Variants in WDR64 observed in about 807,000 individuals in gnomAD.
WDR64 encodes WD repeat domain 64.
A neutral mutation model predicts 139.3 loss-of-function variants in WDR64; 112 were observed. That is an observed-to-expected ratio of 0.80 (90% CI 0.69 to 0.94). The LOEUF is 0.94. Among genes scored for constraint, WDR64 ranks in the 40% least tolerant of loss-of-function variants. The pLI is 0.00. For missense variants in WDR64, 1,206 were observed against 1,293.1 expected (o/e 0.93, Z 1.03); for synonymous variants, 444 against 437.7 (o/e 1.01, Z -0.18).
chr1:241,751,412 C>T (rs893904560), intron 14 of WDR64, among the ~76,000 whole-genome samples: 1 of 152,000 alleles, frequency 6.6e-6, no homozygotes, highest in Non-Finnish European at 1.5e-5. Flanking sequence ...AAAGATAAAC[C>T]CAACCTCTAT....
intron 7 of WDR64, among the ~76,000 whole-genome samples, chr1:241,685,617 T>G (rs1434846100): frequency 6.6e-6 from 1 of 152,232 alleles, no homozygotes; most frequent in Non-Finnish European, 1.5e-5. Context: ...TTTGTTATTA[T>G]GTAACAAATA....
At chr1:241,768,672 A>G (rs979923104) in intron 16 of WDR64, among the ~76,000 whole-genome samples, 6 of 151,998 alleles carry the variant, frequency 3.9e-5, no homozygotes, top group East Asian at 1.9e-4. Flanking sequence ...CTGAAGAAAC[A>G]GGGGAAATTT....
At chr1:241,721,440 C>A (rs574871106) in intron 9 of WDR64, among the ~76,000 whole-genome samples, 23 of 152,088 alleles carry the variant, frequency 1.5e-4, no homozygotes, top group South Asian at 8.3e-4. Context: ...CTTTATACAG[C>A]CTTTTTGTCT....
chr1:241,774,913 T>C (rs1468394592), intron 20 of WDR64, among the ~76,000 whole-genome samples, 192 bp from the exon 21 acceptor site: 1 of 152,190 alleles, frequency 6.6e-6, no homozygotes, highest in Non-Finnish European at 1.5e-5. Context: ...ACCTTTAGTA[T>C]ATTTAATTTC....
intron 9 of WDR64, among the ~76,000 whole-genome samples, chr1:241,721,086 T>C (rs530691422): frequency 7.2e-4 from 109 of 152,320 alleles, no homozygotes; most frequent in Non-Finnish European, 6.0e-4. Flanking sequence ...GTCAGGTTTG[T>C]TGACAATCAG....
At position 241,742,721 on chromosome 1, in the gene WDR64, G is replaced by A. The variant is rs1669595996; in HGVS notation, c.1470+1057G>A. Among the ~76,000 whole-genome samples, 3 of 152,038 alleles carry A rather than the reference G, an allele frequency of 2.0e-5. No homozygotes were observed. The South Asian group carries it at 6.2e-4, about 32-fold the overall frequency. On this transcript the variant is annotated intron_variant, in intron 12 of 27. Transcript: ENST00000437684. The stretch of plus-strand genomic sequence containing the variant: ...TTCCTTTCTTCATAAACTTGCTTTC[G>A]CTTTACTCTGTGGACTTGCCTTGAA...
At position 241,790,695 on chromosome 1, in the gene WDR64, AG is replaced by A; in HGVS notation, c.2997+1del. ...TTTTTCAAGTCTCTTTCTTCTCCTA[AG>A]GTAGCTTAAAAAAAAAAAAAAAAAA... is the stretch of plus-strand genomic sequence containing the variant. ...FKFFKSLSSPKIRRYPLEGFV... is the reference protein window; with the variant it reads ...FKFFKSLSSPXIRRYPLEGFV... On this transcript the variant is annotated frameshift_variant and splice_region_variant, in exon 25 of 28. Coordinates refer to ENST00000437684, the MANE Select transcript of WDR64 (RefSeq NM_001367482.1). LOFTEE classifies it high-confidence loss of function. 1 of 1,536,112 alleles carries A rather than the reference AG, an allele frequency of 6.5e-7. No homozygotes were observed. The highest frequency in any genetic ancestry group is 8.7e-7 in the Non-Finnish European group (1 of 1,149,614).
intron 6 of WDR64, 133 bp from the exon 7 acceptor site, chr1:241,683,354 T>C: frequency 1.2e-6 from 1 of 810,234 alleles, no homozygotes. Flanking sequence ...GGTTTTTTTC[T>C]CAAATTATCT....
chr1:241,687,317 A>AG, intron 7 of WDR64, 144 bp from the exon 8 acceptor site: 1 of 985,554 alleles, frequency 1.0e-6, no homozygotes, highest in Non-Finnish European at 1.5e-6. Context: ...AAAAAAAAAA[A>AG]AAAAGGTGTT....
At chr1:241,720,973 A>C (rs1459035421) in intron 9 of WDR64, among the ~76,000 whole-genome samples, 3 of 152,186 alleles carry the variant, frequency 2.0e-5, no homozygotes, top group African/African-American at 4.8e-5. Context: ...ATTTTTGTAT[A>C]AGGTGTAAGA....
intron 9 of WDR64, among the ~76,000 whole-genome samples, chr1:241,717,361 T>C (rs1668442283): frequency 6.6e-6 from 1 of 152,088 alleles, no homozygotes; most frequent in African/African-American, 2.4e-5. Context: ...CACAACTAGT[T>C]AGCTGGCAGA....
chr1:241,707,088 C>T (rs1667981258), intron 8 of WDR64, among the ~76,000 whole-genome samples: 1 of 152,168 alleles, frequency 6.6e-6, no homozygotes, highest in South Asian at 2.1e-4. Context: ...TGGTGTCATA[C>T]CCAACCCCTT....
intron 13 of WDR64, among the ~76,000 whole-genome samples, chr1:241,748,938 TAA>T (rs200155046): frequency 2.8e-4 from 37 of 133,760 alleles, no homozygotes; most frequent in Non-Finnish European, 3.7e-4. Flanking sequence ...ACTCTTGTCT[TAA>T]AAAAAAAAAA....
chr1:241,699,550 G>A (rs1017031068), intron 8 of WDR64, among the ~76,000 whole-genome samples: 5 of 152,112 alleles, frequency 3.3e-5, no homozygotes, highest in Admixed American at 1.3e-4. Context: ...TATGACAGGA[G>A]TGCTTAGAAC....
chr1:241,790,490 C>A (rs1659183321), intron 24 of WDR64, 101 bp from the exon 25 acceptor site: 2 of 969,140 alleles, frequency 2.1e-6, no homozygotes, highest in Non-Finnish European at 3.1e-6. Context: ...CCATAGGAAC[C>A]AAGAAATGTG....
chr1:241,715,785 G>A lies in WDR64; in HGVS notation c.1054+3904G>A, dbSNP rs183745364. ...TGTTAAGAACTGACCAGTTTTTATA[G>A]GCTTTGTAATCTTAGTATTTTAATC... On this transcript the variant is annotated intron_variant, in intron 9 of 27. Transcript: ENST00000437684. 9.2e-5 allele frequency among the ~76,000 whole-genome samples: 14 copies of A among 152,120 alleles called. No individual in the cohort carries two copies. In the East Asian group the frequency reaches 2.5e-3, roughly 27 times the overall value.
rs1490895662 is a variant in WDR64 at position 241,790,683 on chromosome 1, T to C, written c.2984T>C (p.Leu995Pro). ...CAGGATTTCAAGTTTTTCAAGTCTC[T>C]TTCTTCTCCTAAGGTAGCTTAAAAA... ...VEQDFKFFKS[L>P]SSPKIRRYPL... is the part of the protein sequence containing the mutation. The change falls in exon 25 of 28, where the codon CTT becomes CCT. Residue 995 changes from leucine to proline, a missense_variant. Physicochemically the swap from Leu to Pro is moderately conservative, Grantham distance 98 (BLOSUM62 -3). Coordinates refer to ENST00000437684, the MANE Select transcript of WDR64 (RefSeq NM_001367482.1). 4.4e-6 allele frequency: 7 copies of C among 1,602,222 alleles called. No individual in the cohort carries two copies. The African/African-American group carries it at 8.2e-5, about 19-fold the overall frequency.
Position 241,679,359 on chromosome 1 carries a change from G to A in WDR64, c.514-126G>A, listed in dbSNP as rs1666682434. ...CCCAGACACTCAGACAGGATGTACTGCAAGGCTTCTCTGTAATAAGGCAGC... is the reference window on the plus strand; with the variant it reads ...CCCAGACACTCAGACAGGATGTACTACAAGGCTTCTCTGTAATAAGGCAGC... On this transcript the variant is annotated intron_variant, in intron 5 of 27. Transcript: ENST00000437684. 5 of 731,616 alleles carry A rather than the reference G, an allele frequency of 6.8e-6. 1 individual carries two copies. In the South Asian group the frequency reaches 6.9e-5, roughly 10 times the overall value. The allele number at this position is 731,616 out of a possible 1,614,324, so 45.3% of individuals were successfully genotyped here. A position where few individuals can be genotyped will look rare whatever the true frequency, so the allele number is the denominator to read the frequency against.
chr1:241,800,458 C>T (rs575485122), intron 27 of WDR64, among the ~76,000 whole-genome samples: 1 of 152,046 alleles, frequency 6.6e-6, no homozygotes, highest in African/African-American at 2.4e-5. Flanking sequence ...ATTTTTATAC[C>T]TATTTCTTCC....
Sources: gnomAD v4.1 joint callset for allele counts (sites outside exome capture counted in the v4.1 genomes callset) on GRCh38, gnomAD v4.1.1 for gene constraint, MANE v1.5 for transcripts, NCBI Gene and HGNC (gene_info 2026-07-23, HGNC 2026-07-21) for gene names.